Variants in ZNF385B observed in about 807,000 individuals in gnomAD.
ZNF385B encodes the protein zinc finger protein 385B.
Under a neutral mutation model 39.2 loss-of-function variants are expected in ZNF385B, and 23 were observed. The observed-to-expected ratio is 0.59, with a 90% CI of 0.42 to 0.83. ZNF385B has a LOEUF of 0.83. Among genes scored for constraint, ZNF385B ranks in the 40% least tolerant of loss-of-function variants. ZNF385B has a pLI of 0.00. For synonymous variants in ZNF385B, 205 were observed against 222.6 expected, an observed-to-expected ratio of 0.92 and a Z score of 0.70; for missense variants, 552 against 598.9, an observed-to-expected ratio of 0.92 and a Z score of 0.82.
intron 3 of ZNF385B, among the ~76,000 whole-genome samples, chr2:179,647,582 C>T (rs900538121): frequency 1.3e-5 from 2 of 152,058 alleles, no homozygotes; most frequent in Non-Finnish European, 2.9e-5. Context: ...AGCAGCTATA[C>T]CAGAAACAAA....
chr2:179,807,933 G>GAAAGAAA (rs1553538065), intron 1 of ZNF385B, among the ~76,000 whole-genome samples: 316 of 97,692 alleles, frequency 3.2e-3, no homozygotes, highest in African/African-American at 9.2e-3. Flanking sequence ...AAAGAAAGAA[G>GAAAGAAA]GAAGGAAGGA....
At chr2:179,536,118 G>T (rs534588491) in intron 4 of ZNF385B, among the ~76,000 whole-genome samples, 228 of 151,802 alleles carry the variant, frequency 1.5e-3, no homozygotes, top group African/African-American at 5.3e-3. Context: ...TATTAGGCTT[G>T]GCTACCATAC....
Position 179,820,874 on chromosome 2 carries a change from T to C in ZNF385B, c.-155+40227A>G, listed in dbSNP as rs78608368. 8.0e-3 allele frequency among the ~76,000 whole-genome samples: 1,220 copies of C among 152,262 alleles called. 17 individuals carry two copies. Among genetic ancestry groups the C allele is most frequent in the African/African-American group, 0.027 (1,139 of 41,554 alleles). On this transcript the variant is annotated intron_variant, in intron 1 of 9. Transcript: ENST00000410066. The stretch of plus-strand genomic sequence containing the variant: ...AAAGGAGTTTTGTAAATGGAAGTTC[T>C]AGCTAAGACATTAAAACCTTAATGA...
chr2:179,492,582 G>C (rs1324566578), intron 5 of ZNF385B, among the ~76,000 whole-genome samples: 1 of 152,092 alleles, frequency 6.6e-6, no homozygotes, highest in Non-Finnish European at 1.5e-5. Flanking sequence ...AAGTGGCAAA[G>C]TAACTTTGAA....
chr2:179,666,061 G>A (rs1056939357), intron 3 of ZNF385B, among the ~76,000 whole-genome samples: 1 of 152,172 alleles, frequency 6.6e-6, no homozygotes, highest in African/African-American at 2.4e-5. Flanking sequence ...AAGTCGCACA[G>A]TTTTGTAGTG....
chr2:179,742,885 A>T (rs1049854238), intron 3 of ZNF385B, among the ~76,000 whole-genome samples: 16 of 152,194 alleles, frequency 1.1e-4, no homozygotes, highest in African/African-American at 3.8e-4. Context: ...GCTATACCTT[A>T]ATACAAAAGT....
intron 3 of ZNF385B, among the ~76,000 whole-genome samples, chr2:179,590,369 T>C (rs1687453050): frequency 6.6e-6 from 1 of 152,234 alleles, no homozygotes; most frequent in African/African-American, 2.4e-5. Context: ...TTAAGCCCAA[T>C]GCCTGGCAAC....
chr2:179,657,900 G>T (rs1056746652), intron 3 of ZNF385B, among the ~76,000 whole-genome samples: 2 of 152,138 alleles, frequency 1.3e-5, no homozygotes, highest in South Asian at 2.1e-4. Flanking sequence ...CTTGGAAGTG[G>T]AGGAGAAGGG....
intron 1 of ZNF385B, among the ~76,000 whole-genome samples, chr2:179,834,614 T>C (rs1328321884): frequency 6.6e-6 from 1 of 152,174 alleles, no homozygotes; most frequent in Non-Finnish European, 1.5e-5. Context: ...AGAGTCATCA[T>C]TTTTACAACC....
intron 4 of ZNF385B, among the ~76,000 whole-genome samples, chr2:179,528,748 C>T (rs2059079416): frequency 1.3e-5 from 2 of 152,156 alleles, no homozygotes; most frequent in Admixed American, 1.3e-4. Flanking sequence ...TAAGGTTAGG[C>T]CTGGGTACCT....
intron 1 of ZNF385B, among the ~76,000 whole-genome samples, chr2:179,855,191 T>C (rs1684491160): frequency 6.6e-6 from 1 of 152,220 alleles, no homozygotes. Context: ...AATAACATAA[T>C]GGCTATTTCA....
intron 3 of ZNF385B, among the ~76,000 whole-genome samples, chr2:179,601,073 C>T (rs1291682920): frequency 6.6e-6 from 1 of 152,140 alleles, no homozygotes; most frequent in Non-Finnish European, 1.5e-5. Flanking sequence ...ATGCATATAA[C>T]CCAGTTGGGT....
chr2:179,842,363 T>G (rs1259762811), intron 1 of ZNF385B, among the ~76,000 whole-genome samples: 1 of 152,222 alleles, frequency 6.6e-6, no homozygotes, highest in Non-Finnish European at 1.5e-5. Flanking sequence ...CCTCATTCAC[T>G]GGTCTCTTTG....
At chr2:179,664,266 TTTA>T (rs1694873303) in intron 3 of ZNF385B, among the ~76,000 whole-genome samples, 1 of 152,174 alleles carries the variant, frequency 6.6e-6, no homozygotes, top group African/African-American at 2.4e-5. Context: ...ATATTTCATA[TTTA>T]TTGTCTAAAA....
intron 1 of ZNF385B, among the ~76,000 whole-genome samples, chr2:179,793,345 G>A (rs943657254): frequency 6.6e-6 from 1 of 152,200 alleles, no homozygotes; most frequent in African/African-American, 2.4e-5. Flanking sequence ...AAGGAATCCA[G>A]CTGTGGCTAA....
At chr2:179,730,990 A>G (rs1575369847) in intron 3 of ZNF385B, among the ~76,000 whole-genome samples, 1 of 152,206 alleles carries the variant, frequency 6.6e-6, no homozygotes, top group South Asian at 2.1e-4. Flanking sequence ...TATAACTCAG[A>G]CTTTATCATA....
At chr2:179,538,680 T>TTA (rs1319286550) in intron 4 of ZNF385B, among the ~76,000 whole-genome samples, 2 of 152,214 alleles carry the variant, frequency 1.3e-5, no homozygotes, top group Non-Finnish European at 2.9e-5. Flanking sequence ...GAAATCATCT[T>TTA]TATCCTGTCC....
intron 3 of ZNF385B, among the ~76,000 whole-genome samples, chr2:179,585,532 G>GA (rs1686992924): frequency 6.6e-6 from 1 of 152,178 alleles, no homozygotes; most frequent in Non-Finnish European, 1.5e-5. Context: ...CTCCAAAGTT[G>GA]AAAAGCAATG....
intron 4 of ZNF385B, among the ~76,000 whole-genome samples, chr2:179,543,868 T>C (rs1285848975): frequency 6.6e-6 from 1 of 152,222 alleles, no homozygotes; most frequent in Non-Finnish European, 1.5e-5. Flanking sequence ...ATCCTCTTGC[T>C]GTTTTCACTT....
Sources: gnomAD v4.1 joint callset for allele counts (sites outside exome capture counted in the v4.1 genomes callset) on GRCh38, gnomAD v4.1.1 for gene constraint, MANE v1.5 for transcripts, NCBI Gene and HGNC (gene_info 2026-07-23, HGNC 2026-07-21) for gene names.